PTPRO: variants seen among roughly 807,000 people sequenced by gnomAD.
PTPRO encodes receptor-type tyrosine-protein phosphatase O.
In PTPRO, 62 loss-of-function variants were observed where a neutral mutation model predicts 145.2. The ratio of observed to expected loss-of-function variants is 0.43; its 90% CI spans 0.35 to 0.53. The LOEUF is 0.53. Ranked by LOEUF, PTPRO falls within the 20% of genes least tolerant of loss-of-function variation. The probability of loss-of-function intolerance (pLI) is 0.01; values close to 1 mark genes in which losing one functional copy is unlikely to be tolerated. For missense variants in PTPRO, 1,345 were observed against 1,482.7 expected (o/e 0.91, Z 1.53); for synonymous variants, 565 against 514.7 (o/e 1.10, Z -1.32).
At chr12:15,413,596 T>C (rs774755937) in intron 1 of PTPRO, among the ~76,000 whole-genome samples, 15 of 152,190 alleles carry the variant, frequency 9.9e-5, no homozygotes, top group East Asian at 1.9e-4. Context: ...AGGTGGACCA[T>C]TTGAAGTCAG....
chr12:15,582,084 C>A (rs2135650021), intron 23 of PTPRO, among the ~76,000 whole-genome samples: 1 of 152,336 alleles, frequency 6.6e-6, no homozygotes, highest in Non-Finnish European at 1.5e-5. Context: ...AGGGATGGGT[C>A]TGGCTAGTTA....
chr12:15,439,354 A>G (rs2136355471), intron 1 of PTPRO, among the ~76,000 whole-genome samples: 1 of 152,328 alleles, frequency 6.6e-6, no homozygotes, highest in East Asian at 1.9e-4. Context: ...CATATAAAGC[A>G]ACTACACAAT....
rs924930372 is a variant in PTPRO, at chr12:15,348,938, G to T, written c.75+26137G>T. 4.6e-5 allele frequency among the ~76,000 whole-genome samples: 7 copies of T among 152,318 alleles called. No individual in the cohort carries two copies. In the East Asian group the frequency reaches 1.3e-3, roughly 29 times the overall value. On this transcript the variant is annotated intron_variant, in intron 1 of 26. Transcript: ENST00000281171. ...CAAGTCATTATATTTGTATAAATTT[G>T]TTGGAGCAGCAGTAGAAAACTAATG...
chr12:15,526,903 A>G (rs1942850928), intron 12 of PTPRO, among the ~76,000 whole-genome samples: 1 of 152,104 alleles, frequency 6.6e-6, no homozygotes, highest in African/African-American at 2.4e-5. Flanking sequence ...GAACAAGTTA[A>G]TATAAATTGA....
At chr12:15,583,552 A>T (rs1944368692) in intron 23 of PTPRO, among the ~76,000 whole-genome samples, 2 of 152,184 alleles carry the variant, frequency 1.3e-5, no homozygotes, top group Non-Finnish European at 2.9e-5. Context: ...TATGTAAATT[A>T]TGTGAAATTC....
rs573768137 is a variant in PTPRO at position 15,332,802 on chromosome 12, A to G, written c.75+10001A>G. Among the ~76,000 whole-genome samples, 3 of 152,322 alleles carry G rather than the reference A, an allele frequency of 2.0e-5. No individual in the cohort carries two copies. In the East Asian group the frequency reaches 5.8e-4, roughly 29 times the overall value. ...ATTTGGTTTGGTCTTGAGATTAACTACTTCTGGTTGTAGCATTCACATGTT... is the reference window on the plus strand; with the variant it reads ...ATTTGGTTTGGTCTTGAGATTAACTGCTTCTGGTTGTAGCATTCACATGTT... On this transcript the variant is annotated intron_variant, in intron 1 of 26. Transcript: ENST00000281171.
chr12:15,544,453 C>G (rs578083376), intron 12 of PTPRO, among the ~76,000 whole-genome samples: 21 of 135,264 alleles, frequency 1.6e-4, no homozygotes, highest in Non-Finnish European at 2.9e-4. Context: ...TGCAGTGAGC[C>G]GAGATTGCAC....
At chr12:15,540,158 C>A (rs987171401) in intron 12 of PTPRO, among the ~76,000 whole-genome samples, 2 of 152,114 alleles carry the variant, frequency 1.3e-5, no homozygotes, top group Non-Finnish European at 2.9e-5. Context: ...CTTTCTTTTG[C>A]AGATGTTATT....
intron 12 of PTPRO, among the ~76,000 whole-genome samples, chr12:15,529,023 T>A (rs755128072): frequency 6.6e-6 from 1 of 152,198 alleles, no homozygotes; most frequent in African/African-American, 2.4e-5. Context: ...AGTTCTTCAA[T>A]CTGAGAGAAA....
intron 1 of PTPRO, among the ~76,000 whole-genome samples, chr12:15,377,213 C>A (rs567590632): frequency 6.6e-6 from 1 of 151,674 alleles, no homozygotes. Context: ...AAAGAAACAA[C>A]AAAATAATTA....
chr12:15,392,720 C>CAAAAAAAAAAAAAAAAAAAA (rs1177789187), intron 1 of PTPRO, among the ~76,000 whole-genome samples: 18 of 66,666 alleles, frequency 2.7e-4, no homozygotes, highest in Non-Finnish European at 4.3e-4. Flanking sequence ...GACCCTGTCT[C>CAAAAAAAAAAAAAAAAAAAA]AAAAAAAAAA....
chr12:15,508,617 C>T lies in PTPRO; in HGVS notation c.1314C>T (p.His438=), dbSNP rs140514339. 73 of 1,614,042 alleles carry T rather than the reference C, an allele frequency of 4.5e-5. No homozygotes were observed. The highest frequency in any genetic ancestry group is 6.7e-5 in the East Asian group (3 of 44,844). The change falls in exon 7 of 27, where the codon CAC becomes CAT. Residue 438 remains histidine (H), a synonymous_variant. Transcript: ENST00000281171. Reference sequence around the variant, plus strand: ...AAGAACTGACCGAGAAGCCGCAGCACGTGAGTGTCCACGTTTTAAGCTCAA... The same window carrying T: ...AAGAACTGACCGAGAAGCCGCAGCATGTGAGTGTCCACGTTTTAAGCTCAA... ...WIEELTEKPQ[H]VSVHVLSSTT...
chr12:15,441,376 A>G (rs962657107), intron 1 of PTPRO, among the ~76,000 whole-genome samples: 1 of 151,038 alleles, frequency 6.6e-6, no homozygotes, highest in Non-Finnish European at 1.5e-5. Flanking sequence ...GAAAGTTTAT[A>G]GTGCTAAATG....
chr12:15,396,420 T>C (rs1939340671), intron 1 of PTPRO, among the ~76,000 whole-genome samples: 1 of 152,136 alleles, frequency 6.6e-6, no homozygotes, highest in Non-Finnish European at 1.5e-5. Context: ...AGAAATGCTA[T>C]AGCCTTAAAA....
chr12:15,570,732 ACT>A (rs1944026418), intron 19 of PTPRO, among the ~76,000 whole-genome samples: 2 of 152,170 alleles, frequency 1.3e-5, no homozygotes, highest in Non-Finnish European at 2.9e-5. Flanking sequence ...ATGAGGCAAA[ACT>A]CTGAAAAAAT....
chr12:15,481,049 T>C (rs1289326233), intron 1 of PTPRO, among the ~76,000 whole-genome samples: 3 of 152,146 alleles, frequency 2.0e-5, no homozygotes, highest in Non-Finnish European at 4.4e-5. Context: ...AAAAGAGTAA[T>C]GGATAAGGGA....
chr12:15,366,006 G>A (rs1175414671), intron 1 of PTPRO, among the ~76,000 whole-genome samples: 1 of 152,080 alleles, frequency 6.6e-6, no homozygotes, highest in East Asian at 1.9e-4. Flanking sequence ...ATCACAATTA[G>A]GTACATCAGA....
intron 1 of PTPRO, among the ~76,000 whole-genome samples, chr12:15,470,224 G>C (rs939770609): frequency 6.6e-6 from 1 of 152,150 alleles, no homozygotes; most frequent in Non-Finnish European, 1.5e-5. Context: ...GGATCTTACA[G>C]TCTGGGGACT....
At chr12:15,364,405 T>G (rs1423192895) in intron 1 of PTPRO, among the ~76,000 whole-genome samples, 2 of 152,158 alleles carry the variant, frequency 1.3e-5, no homozygotes. Flanking sequence ...GACTGTCAGG[T>G]GGGTTTTCTG....
Sources: gnomAD v4.1 joint callset for allele counts (sites outside exome capture counted in the v4.1 genomes callset) on GRCh38, gnomAD v4.1.1 for gene constraint, MANE v1.5 for transcripts, NCBI Gene and HGNC (gene_info 2026-07-23, HGNC 2026-07-21) for gene names.